Variants in CLCNKB observed in about 807,000 individuals in gnomAD.
The protein encoded by CLCNKB is chloride channel protein ClC-Kb.
In CLCNKB, 74 loss-of-function variants were observed where a neutral mutation model predicts 83.8. The ratio of observed to expected loss-of-function variants is 0.88; its 90% CI spans 0.73 to 1.07. The LOEUF (loss-of-function observed/expected upper bound fraction) is 1.07. Among genes scored for constraint, CLCNKB ranks in the 50% least tolerant of loss-of-function variants. The pLI is 0.00. For missense variants in CLCNKB, 798 were observed against 893.6 expected, an observed-to-expected ratio of 0.89 and a Z score of 1.36; for synonymous variants, 358 against 356.6, an observed-to-expected ratio of 1.00 and a Z score of -0.04.
At chr1:16,055,357 G>T (rs2023405431) in intron 16 of CLCNKB, 78 bp from the exon 17 acceptor site, 3 of 1,153,772 alleles carry the variant, frequency 2.6e-6, no homozygotes, top group South Asian at 2.5e-5. Context: ...ACAGTTCTTG[G>T]CTAAGTAGGT....
At chr1:16,051,105 G>GT (rs1393374554) in intron 12 of CLCNKB, 57 bp downstream of exon 12, 12 of 1,611,682 alleles carry the variant, frequency 7.4e-6, no homozygotes, top group African/African-American at 1.3e-5. Context: ...GGTGGTGGTG[G>GT]GGGGTACCTC....
At chr1:16,044,270 C>T (rs1352420868) in intron 1 of CLCNKB, among the ~76,000 whole-genome samples, 1 of 152,094 alleles carries the variant, frequency 6.6e-6, no homozygotes, top group African/African-American at 2.4e-5. Context: ...ACCCCCATCC[C>T]ACACAATGAC....
chr1:16,056,903 C>A lies in CLCNKB; in HGVS notation c.2051C>A (p.Pro684Gln). 3.7e-6 allele frequency: 6 copies of A among 1,609,986 alleles called. No homozygotes were observed. Among genetic ancestry groups the A allele is most frequent in the Non-Finnish European group, 5.1e-6 (6 of 1,177,980 alleles). The change falls in exon 20 of 20, where the codon CCA becomes CAA. Residue 684 changes from proline (P) to glutamine (Q), a missense_variant. Physicochemically the swap from Pro to Gln is moderately conservative, Grantham distance 76 (BLOSUM62 -1). Coordinates refer to ENST00000375679, the MANE Select transcript of CLCNKB (RefSeq NM_000085.5). The part of the protein sequence containing the change: ...KKAISNLTNP[P>Q]APK The stretch of plus-strand genomic sequence containing the variant: ...GCAATTTCCAACCTGACAAATCCGC[C>A]AGCCCCAAAGTGAGCCGGCCCAGCA...
intron 4 of CLCNKB, among the ~76,000 whole-genome samples, chr1:16,047,179 C>A (rs552862390): frequency 1.7e-4 from 26 of 152,186 alleles, no homozygotes; most frequent in Non-Finnish European, 3.1e-4. Context: ...TGCAGTGACT[C>A]ATGCCTGTAA....
At chr1:16,044,311 A>C (rs544236944) in intron 1 of CLCNKB, among the ~76,000 whole-genome samples, 175 bp from the exon 2 acceptor site, 1 of 152,050 alleles carries the variant, frequency 6.6e-6, no homozygotes, top group African/African-American at 2.4e-5. Flanking sequence ...AGTGACGGAA[A>C]CTCAGGGATG....
intron 14 of CLCNKB, 81 bp downstream of exon 14, chr1:16,051,901 G>C (rs2023307899): frequency 3.2e-6 from 4 of 1,231,188 alleles, no homozygotes; most frequent in Non-Finnish European, 4.8e-6. Context: ...GGTTCCCCAG[G>C]GCACGGAGCA....
chr1:16,055,164 T>A lies in CLCNKB; in HGVS notation c.1757-271T>A, dbSNP rs577953451. 7.2e-4 allele frequency among the ~76,000 whole-genome samples: 110 copies of A among 152,250 alleles called. 1 individual carries two copies. Among genetic ancestry groups the A allele is most frequent in the Non-Finnish European group, 1.4e-3 (97 of 68,022 alleles). ...GCTCCTGTCTTGAGGCCTTGCAATG[T>A]GGGGGATCTCAGTGGTGGCCAGGGT... is the stretch of plus-strand genomic sequence containing the variant. On this transcript the variant is annotated intron_variant, in intron 16 of 19. Transcript: ENST00000375679.
Position 16,049,469 on chromosome 1 carries a change from C to A in CLCNKB, c.782-149C>A, listed in dbSNP as rs939392504. 17 of 1,540,882 alleles carry A rather than the reference C, an allele frequency of 1.1e-5. No individual in the cohort carries two copies. The African/African-American group carries it at 2.1e-4, about 19-fold the overall frequency. On this transcript the variant is annotated intron_variant, in intron 8 of 19. Transcript: ENST00000375679. ...GAAGGGATGAGGCTGGGCAGGGAGG[C>A]AGGAGCCTGGTTGTGGGGGCCTGGA... is the stretch of plus-strand genomic sequence containing the variant.
chr1:16,050,632 G>T, intron 11 of CLCNKB, 32 bp downstream of exon 11: 2 of 1,605,172 alleles, frequency 1.2e-6, no homozygotes, highest in Non-Finnish European at 1.7e-6. Context: ...GGCAGGAGTG[G>T]GGAAGCCCTA....
chr1:16,056,597 C>G (rs1261358449), intron 19 of CLCNKB, 89 bp downstream of exon 19: 1 of 1,195,928 alleles, frequency 8.4e-7, no homozygotes, highest in Non-Finnish European at 1.2e-6. Flanking sequence ...GGGACACCAG[C>G]ATGCTCCCAT....
In CLCNKB at chr1:16,049,650, C is replaced by T. The variant is rs577234417; in HGVS notation, c.814C>T (p.Arg272Trp). 37 of 1,609,436 alleles carry T rather than the reference C, an allele frequency of 2.3e-5. No individual in the cohort carries two copies. The highest frequency in any genetic ancestry group is 2.0e-4 in the South Asian group (18 of 90,938). The change falls in exon 9 of 20, where the codon CGG becomes TGG. Residue 272 changes from arginine to tryptophan, a missense_variant. Coordinates refer to ENST00000375679, the MANE Select transcript of CLCNKB (RefSeq NM_000085.5). The part of the protein sequence containing the change: ...TITSLYKTSF[R>W]VDVPFDLPEI... ...CACCTCCCTCTACAAGACCAGTTTC[C>T]GGGTGGACGTTCCCTTCGACCTGCC...
intron 5 of CLCNKB, 113 bp downstream of exon 5, chr1:16,048,157 T>G (rs921769892): frequency 7.4e-6 from 11 of 1,481,030 alleles, no homozygotes; most frequent in Middle Eastern, 1.7e-4. Context: ...GGTCCCTGCC[T>G]TCCAGGAACT....
chr1:16,052,004 C>CTCCTG lies in CLCNKB; in HGVS notation c.1408+188_1409-186dup, dbSNP rs55751847. ...CCCGGGGCCCATCACTCCCTCGTGG[C>CTCCTG]TCCTGTCCCCAGCCCTGCGGCCTCC... On this transcript the variant is annotated intron_variant, in intron 14 of 19. Transcript: ENST00000375679. Among the ~76,000 whole-genome samples the CTCCTG allele has an allele frequency of 0.13, 20,066 of 152,062 alleles. 1,671 individuals carry two copies. The highest frequency in any genetic ancestry group is 0.21 in the African/African-American group (8,902 of 41,414).
At chr1:16,049,581 A>G in intron 8 of CLCNKB, 37 bp from the exon 9 acceptor site, 2 of 1,504,810 alleles carry the variant, frequency 1.3e-6, no homozygotes, top group South Asian at 2.3e-5. Context: ...GTCGGGTGGG[A>G]GCGCCATCTT....
At chr1:16,046,961 G>T (rs1487426006) in intron 4 of CLCNKB, among the ~76,000 whole-genome samples, 3 of 152,184 alleles carry the variant, frequency 2.0e-5, no homozygotes, top group African/African-American at 7.2e-5. Context: ...GCTCCCCCAG[G>T]CCGCTCAGCC....
intron 7 of CLCNKB, 150 bp from the exon 8 acceptor site, chr1:16,048,970 G>A (rs539945007): frequency 1.3e-6 from 2 of 1,545,184 alleles, no homozygotes; most frequent in East Asian, 4.6e-5. Context: ...CGCCCAGGGC[G>A]CATGCCCTGC....
At chr1:16,046,467 C>T in intron 3 of CLCNKB, 68 bp from the exon 4 acceptor site, 3 of 1,603,332 alleles carry the variant, frequency 1.9e-6, no homozygotes, top group Middle Eastern at 2.2e-4. Flanking sequence ...AGTAAGTGGG[C>T]ACCACAGCGT....
intron 16 of CLCNKB, among the ~76,000 whole-genome samples, chr1:16,054,927 G>A (rs964253357): frequency 2.3e-4 from 35 of 152,160 alleles, no homozygotes; most frequent in African/African-American, 8.5e-4. Flanking sequence ...ACACCAAGCT[G>A]GGCCCTCAAA....
At chr1:16,056,831 A>G (rs776527512) in intron 19 of CLCNKB, 38 bp from the exon 20 acceptor site, 2 of 681,646 alleles carry the variant, frequency 2.9e-6, no homozygotes, top group Non-Finnish European at 4.9e-6. Flanking sequence ...AACCTCCTCT[A>G]CATCCCCCCG....
Sources: gnomAD v4.1 joint callset for allele counts (sites outside exome capture counted in the v4.1 genomes callset) on GRCh38, gnomAD v4.1.1 for gene constraint, MANE v1.5 for transcripts, NCBI Gene and HGNC (gene_info 2026-07-23, HGNC 2026-07-21) for gene names.